Variants in NEK10 observed in about 807,000 individuals in gnomAD.
The protein encoded by NEK10 is serine/threonine-protein kinase Nek10.
NEK10 carries 122 observed loss-of-function variants against 159.8 expected under a neutral mutation model. The observed-to-expected ratio is 0.76, with a 90% CI of 0.66 to 0.89. The LOEUF (loss-of-function observed/expected upper bound fraction) is 0.89, where lower values mean the gene tolerates loss of function less well. Among genes scored for constraint, NEK10 ranks in the 40% least tolerant of loss-of-function variants. The pLI, the probability that NEK10 is intolerant of heterozygous loss-of-function variation, is 0.00. For missense variants in NEK10, 1,342 were observed against 1,323.1 expected, an observed-to-expected ratio of 1.01 and a Z score of -0.22; for synonymous variants, 466 against 457.1, an observed-to-expected ratio of 1.02 and a Z score of -0.25.
chr3:27,339,210 T>C (rs893401404), intron 5 of NEK10, among the ~76,000 whole-genome samples: 4 of 152,208 alleles, frequency 2.6e-5, no homozygotes, highest in African/African-American at 9.7e-5. Context: ...TTTGTCCATT[T>C]TGACTTTTGT....
At chr3:27,257,786 T>C (rs1028210593) in intron 22 of NEK10, among the ~76,000 whole-genome samples, 4 of 127,596 alleles carry the variant, frequency 3.1e-5, no homozygotes, top group African/African-American at 1.2e-4. Flanking sequence ...GCTTTCTTTT[T>C]TCTTTTTTTT....
At chr3:27,243,729 G>A (rs1954781040) in intron 23 of NEK10, among the ~76,000 whole-genome samples, 1 of 152,080 alleles carries the variant, frequency 6.6e-6, no homozygotes, top group South Asian at 2.1e-4. Flanking sequence ...TGTGCTGGGA[G>A]GTCCCTGTTC....
At chr3:27,282,540 A>ATATATATATATATATATACATAACTGTGT (rs1559422174) in intron 22 of NEK10, among the ~76,000 whole-genome samples, 5 of 60,024 alleles carry the variant, frequency 8.3e-5, no homozygotes, top group African/African-American at 3.6e-4. Context: ...TAAATGTGTT[A>ATATATATATATATATATACATAACTGTGT]TATATATATA....
chr3:27,314,715 A>T (rs1426146538), intron 6 of NEK10, among the ~76,000 whole-genome samples: 1 of 152,206 alleles, frequency 6.6e-6, no homozygotes, highest in Non-Finnish European at 1.5e-5. Flanking sequence ...ACCATTTTGC[A>T]TAACTGACGA....
In NEK10 at chr3:27,365,612, T is replaced by G. The variant is rs1009427525; in HGVS notation, c.-38+3613A>C. Among the ~76,000 whole-genome samples, 324 of 50,046 alleles carry G rather than the reference T, an allele frequency of 6.5e-3. 2 individuals carry two copies. Among genetic ancestry groups the G allele is most frequent in the South Asian group, 0.016 (21 of 1,344 alleles). The allele number at this position is 50,046 out of a possible 152,430, so 32.8% of individuals were successfully genotyped here. A position where few individuals can be genotyped will look rare whatever the true frequency, so the allele number is the denominator to read the frequency against. ...GGTTTTTTGTGTTTTTTTTTTGTGTTTTTTTTTTTTTTTTTTTTGAGATGG... is the reference window on the plus strand; with the variant it reads ...GGTTTTTTGTGTTTTTTTTTTGTGTGTTTTTTTTTTTTTTTTTTGAGATGG... On this transcript the variant is annotated intron_variant, in intron 1 of 35. Coordinates refer to ENST00000691995, the MANE Select transcript of NEK10 (RefSeq NM_001394966.1).
At chr3:27,310,777 G>A in intron 9 of NEK10, 172 bp downstream of exon 9, 1 of 471,972 alleles carries the variant, frequency 2.1e-6, no homozygotes, top group South Asian at 4.6e-5. Context: ...CTATTAACTT[G>A]TAATGCTGGT....
Position 27,119,865 on chromosome 3 carries a change from A to AT in NEK10, c.3084dup (p.Ser1029IlefsTer9). 1 of 1,612,802 alleles carries AT rather than the reference A, an allele frequency of 6.2e-7. No homozygotes were observed. The highest frequency in any genetic ancestry group is 8.5e-7 in the Non-Finnish European group (1 of 1,178,816). ...TCAATCGGTTCTGGAGATCCCTGAG[A>AT]TAACTGAAATAGAAAAAGCAAAATC... On this transcript the variant is annotated frameshift_variant, in exon 33 of 36. Transcript: ENST00000691995. LOFTEE classifies it high-confidence loss of function.
rs531252024 is a variant in NEK10, at chr3:27,346,315, C to T, written c.133-99G>A. The T allele has an allele frequency of 1.0e-5, 13 of 1,274,820 alleles. No homozygotes were observed. In the East Asian group the frequency reaches 2.8e-4, roughly 27 times the overall value. 79.0% of individuals were successfully genotyped at this position (1,274,820 alleles called of 1,614,324 possible). On this transcript the variant is annotated intron_variant, in intron 3 of 35. Coordinates refer to ENST00000691995, the MANE Select transcript of NEK10 (RefSeq NM_001394966.1). ...GAGGATGAAGAGACTGAGATTTTTTCCAGGCCAATAATTAAGATAACAACC... is the reference window on the plus strand; with the variant it reads ...GAGGATGAAGAGACTGAGATTTTTTTCAGGCCAATAATTAAGATAACAACC...
intron 6 of NEK10, among the ~76,000 whole-genome samples, chr3:27,319,393 T>G (rs1367995882): frequency 6.6e-6 from 1 of 152,188 alleles, no homozygotes; most frequent in Non-Finnish European, 1.5e-5. Context: ...ATGGAAACTG[T>G]ACTAGCAGGA....
In NEK10 at chr3:27,174,793, C is replaced by G. The variant is rs951359428; in HGVS notation, c.2546G>C (p.Gly849Ala). 1 of 1,608,424 alleles carries G rather than the reference C, an allele frequency of 6.2e-7. No individual in the cohort carries two copies. Residue 849 changes from glycine to alanine, a missense_variant, in exon 27 of 36, where the codon GGA (glycine) becomes GCA (alanine). Gly to Ala is a moderately conservative substitution (Grantham distance 60, BLOSUM62 0). Coordinates refer to ENST00000691995, the MANE Select transcript of NEK10 (RefSeq NM_001394966.1). The part of the protein sequence containing the change: ...EKASLSSSSS[G>A]AASLKSELSE... Reference sequence around the variant, plus strand: ...AAGTTCACTTTTCAGGCTGGCTGCTCCACTGCTGCTGCTACTCAAACTTGC... The same window carrying G: ...AAGTTCACTTTTCAGGCTGGCTGCTGCACTGCTGCTGCTACTCAAACTTGC...
At chr3:27,335,114 G>T (rs1260705520) in intron 5 of NEK10, among the ~76,000 whole-genome samples, 1 of 152,070 alleles carries the variant, frequency 6.6e-6, no homozygotes, top group Non-Finnish European at 1.5e-5. Context: ...GGAGGCGAGT[G>T]GATCACCTGA....
At chr3:27,284,105 G>T (rs1419156254) in intron 22 of NEK10, among the ~76,000 whole-genome samples, 1 of 152,112 alleles carries the variant, frequency 6.6e-6, no homozygotes, top group African/African-American at 2.4e-5. Context: ...GTAAAATTTG[G>T]CCGGGCATTG....
intron 29 of NEK10, among the ~76,000 whole-genome samples, chr3:27,166,172 T>C (rs1946455715): frequency 6.6e-6 from 1 of 152,210 alleles, no homozygotes; most frequent in Admixed American, 6.5e-5. Flanking sequence ...TTCATAAATA[T>C]GTCCTGTGTG....
At chr3:27,146,946 T>G (rs146849505) in intron 30 of NEK10, among the ~76,000 whole-genome samples, 1 of 152,070 alleles carries the variant, frequency 6.6e-6, no homozygotes, top group Non-Finnish European at 1.5e-5. Flanking sequence ...AAGTACAGTA[T>G]GTATACAGCT....
At chr3:27,219,521 T>A (rs1951881393) in intron 23 of NEK10, among the ~76,000 whole-genome samples, 1 of 152,242 alleles carries the variant, frequency 6.6e-6, no homozygotes, top group Non-Finnish European at 1.5e-5. Context: ...TTTAGTGGAT[T>A]GCCTATGTTG....
intron 32 of NEK10, among the ~76,000 whole-genome samples, chr3:27,126,018 G>T (rs1020457870): frequency 6.6e-6 from 1 of 152,166 alleles, no homozygotes; most frequent in Non-Finnish European, 1.5e-5. Context: ...ACAGGTTGCT[G>T]CTGGGCACTG....
At chr3:27,326,429 C>T (rs760069248) in intron 5 of NEK10, among the ~76,000 whole-genome samples, 32 of 152,266 alleles carry the variant, frequency 2.1e-4, no homozygotes, top group Non-Finnish European at 2.4e-4. Flanking sequence ...AGATGATTCA[C>T]GCTACAAATA....
intron 1 of NEK10, among the ~76,000 whole-genome samples, chr3:27,367,859 C>G (rs1275421716): frequency 6.6e-6 from 1 of 152,112 alleles, no homozygotes; most frequent in Non-Finnish European, 1.5e-5. Context: ...TAATTACACA[C>G]AGGAGAGAAT....
At chr3:27,343,878 T>C (rs1028095340) in intron 5 of NEK10, among the ~76,000 whole-genome samples, 1 of 152,228 alleles carries the variant, frequency 6.6e-6, no homozygotes, top group Non-Finnish European at 1.5e-5. Context: ...TCATCCTTTC[T>C]TTCCTCAAGA....
Sources: allele counts gnomAD v4.1 joint callset (sites outside exome capture counted in the v4.1 genomes callset), GRCh38; gene constraint gnomAD v4.1.1; transcripts MANE v1.5; gene names NCBI Gene and HGNC (gene_info 2026-07-23, HGNC 2026-07-21).